NR6A1: variants seen among roughly 807,000 people sequenced by gnomAD.
The protein encoded by NR6A1 is nuclear receptor subfamily 6 group A member 1, also known as retinoic acid receptor-related testis-associated receptor.
In NR6A1, 7 loss-of-function variants were observed where a neutral mutation model predicts 59.1. The ratio of observed to expected loss-of-function variants is 0.12; its 90% CI spans 0.07 to 0.22. NR6A1 has a LOEUF of 0.22. Among genes scored for constraint, NR6A1 ranks in the 10% least tolerant of loss-of-function variants. The pLI, the probability that NR6A1 is intolerant of heterozygous loss-of-function variation, is 1.00. For missense variants in NR6A1, 468 were observed against 611.6 expected, an observed-to-expected ratio of 0.77 and a Z score of 2.48; for synonymous variants, 243 against 236.1, an observed-to-expected ratio of 1.03 and a Z score of -0.27.
At chr9:124,554,605 A>C in intron 2 of NR6A1, 35 bp from the exon 3 acceptor site, 1 of 1,613,346 alleles carries the variant, frequency 6.2e-7, no homozygotes, top group Non-Finnish European at 8.5e-7. Flanking sequence ...AGTGGAAATA[A>C]TGGCTTTAAG....
intron 2 of NR6A1, among the ~76,000 whole-genome samples, chr9:124,714,762 A>G (rs1839367251): frequency 2.0e-5 from 3 of 152,208 alleles, no homozygotes; most frequent in Non-Finnish European, 4.4e-5. Context: ...TTTAAAAATA[A>G]TATCATTTAC....
chr9:124,690,947 T>C (rs927333647), intron 2 of NR6A1, among the ~76,000 whole-genome samples: 10 of 152,194 alleles, frequency 6.6e-5, no homozygotes, highest in African/African-American at 2.4e-4. Context: ...GTTTTTCAAG[T>C]CTGTGAAAAG....
At chr9:124,739,455 G>C (rs1030397047) in intron 1 of NR6A1, among the ~76,000 whole-genome samples, 9 of 152,122 alleles carry the variant, frequency 5.9e-5, no homozygotes, top group African/African-American at 2.2e-4. Flanking sequence ...CTCCAAATAG[G>C]CGTTTTGTTT....
intron 3 of NR6A1, among the ~76,000 whole-genome samples, chr9:124,553,352 G>C (rs1204640639): frequency 6.6e-6 from 1 of 152,078 alleles, no homozygotes; most frequent in Middle Eastern, 3.2e-3. Context: ...TGTGCCAACA[G>C]CTCCATGAAG....
intron 2 of NR6A1, among the ~76,000 whole-genome samples, chr9:124,651,585 T>C (rs1164115240): frequency 1.3e-5 from 2 of 152,176 alleles, no homozygotes; most frequent in Non-Finnish European, 2.9e-5. Context: ...GGTTCCCTTC[T>C]CCCTTTCTTT....
intron 2 of NR6A1, among the ~76,000 whole-genome samples, chr9:124,602,296 T>C (rs1189017549): frequency 6.6e-6 from 1 of 152,240 alleles, no homozygotes; most frequent in Admixed American, 6.5e-5. Context: ...TCAACTATTT[T>C]GTCTCCTGAG....
At chr9:124,741,565 T>C (rs1013937703) in intron 1 of NR6A1, among the ~76,000 whole-genome samples, 2 of 152,254 alleles carry the variant, frequency 1.3e-5, no homozygotes, top group East Asian at 1.9e-4. Flanking sequence ...TGCCACTAAG[T>C]TGTACACTTC....
chr9:124,562,587 A>G (rs1468964938), intron 2 of NR6A1, among the ~76,000 whole-genome samples: 2 of 152,128 alleles, frequency 1.3e-5, no homozygotes, highest in Non-Finnish European at 2.9e-5. Context: ...GCGCAACTGC[A>G]CCTGGCAAGA....
intron 2 of NR6A1, among the ~76,000 whole-genome samples, chr9:124,618,766 T>TA (rs1238939719): frequency 6.6e-6 from 1 of 152,222 alleles, no homozygotes; most frequent in Non-Finnish European, 1.5e-5. Flanking sequence ...ACTGATATGC[T>TA]AACTTCTCCC....
chr9:124,682,335 C>T (rs1446855200), intron 2 of NR6A1, among the ~76,000 whole-genome samples: 2 of 152,146 alleles, frequency 1.3e-5, no homozygotes, highest in African/African-American at 2.4e-5. Context: ...GTATTAAGAT[C>T]TAGTACGGTA....
intron 2 of NR6A1, among the ~76,000 whole-genome samples, chr9:124,649,277 G>A (rs1236197226): frequency 7.3e-6 from 1 of 136,904 alleles, no homozygotes; most frequent in African/African-American, 2.7e-5. Flanking sequence ...CGATGGAACA[G>A]AATAGAGAAC....
chr9:124,544,591 A>T (rs553917017), intron 3 of NR6A1, among the ~76,000 whole-genome samples: 1 of 152,350 alleles, frequency 6.6e-6, no homozygotes, highest in East Asian at 1.9e-4. Flanking sequence ...AGTAGGATTT[A>T]GGCAGCCAGG....
rs1834219818 is a variant in NR6A1, at chr9:124,565,663, T to C, written c.143-11093A>G. ...AAAGGCAACCCAGTAGAAAAATGTGTGAGACTTGAATAGGTGTGCCACAAA... is the reference window on the plus strand; with the variant it reads ...AAAGGCAACCCAGTAGAAAAATGTGCGAGACTTGAATAGGTGTGCCACAAA... On this transcript the variant is annotated intron_variant, in intron 2 of 9. Coordinates refer to ENST00000487099, the MANE Select transcript of NR6A1 (RefSeq NM_033334.4). 1.3e-5 allele frequency among the ~76,000 whole-genome samples: 2 copies of C among 152,262 alleles called. 1 individual carries two copies. Among genetic ancestry groups the C allele is most frequent in the South Asian group, 4.1e-4 (2 of 4,828 alleles).
intron 2 of NR6A1, chr9:124,599,341 C>T (rs1477590847): frequency 8.3e-6 from 3 of 361,770 alleles, no homozygotes; most frequent in African/African-American, 4.3e-5. Context: ...ACCGCTTGAA[C>T]CCGGGAGGCG....
intron 2 of NR6A1, among the ~76,000 whole-genome samples, chr9:124,581,421 G>A (rs1189644693): frequency 2.0e-5 from 3 of 151,968 alleles, no homozygotes; most frequent in Admixed American, 1.3e-4. Context: ...GTGAAACCCC[G>A]TCTCTACTAA....
chr9:124,591,691 G>GT (rs1835129591), intron 2 of NR6A1, among the ~76,000 whole-genome samples: 1 of 152,176 alleles, frequency 6.6e-6, no homozygotes, highest in African/African-American at 2.4e-5. Context: ...GGATCACAGT[G>GT]TGAGCATCAA....
intron 2 of NR6A1, among the ~76,000 whole-genome samples, chr9:124,699,268 T>C (rs1170154423): frequency 1.3e-5 from 2 of 152,178 alleles, no homozygotes; most frequent in Non-Finnish European, 2.9e-5. Context: ...TGCCTACTTG[T>C]CAACCAGCAG....
rs191092468 is a variant in NR6A1, at chr9:124,757,221, C to G, written c.100+13799G>C. Among the ~76,000 whole-genome samples, 3 of 151,676 alleles carry G rather than the reference C, an allele frequency of 2.0e-5. No individual in the cohort carries two copies. The East Asian group carries it at 5.8e-4, about 29-fold the overall frequency. On this transcript the variant is annotated intron_variant, in intron 1 of 9. Coordinates refer to ENST00000487099, the MANE Select transcript of NR6A1 (RefSeq NM_033334.4). ...TAGACACACACTTCTCAAAATTATC[C>G]CCCAAAATAAGCCAAGATAAAAGCA...
chr9:124,530,553 G>A (rs1326990489), intron 7 of NR6A1, among the ~76,000 whole-genome samples: 1 of 152,204 alleles, frequency 6.6e-6, no homozygotes, highest in Non-Finnish European at 1.5e-5. Flanking sequence ...CTGGGACAAG[G>A]AAAACATTCC....
Sources: allele counts gnomAD v4.1 joint callset (sites outside exome capture counted in the v4.1 genomes callset), GRCh38; gene constraint gnomAD v4.1.1; transcripts MANE v1.5; gene names NCBI Gene and HGNC (gene_info 2026-07-23, HGNC 2026-07-21).